Variants in NPR3 observed in about 807,000 individuals in gnomAD.
NPR3 encodes natriuretic peptide receptor 3, also known as atrial natriuretic peptide receptor 3.
Under a neutral mutation model 54.5 loss-of-function variants are expected in NPR3, and 34 were observed. That is an observed-to-expected ratio of 0.62 (90% confidence interval 0.47 to 0.83). The LOEUF (loss-of-function observed/expected upper bound fraction) is 0.83. Among genes scored for constraint, NPR3 ranks in the 40% least tolerant of loss-of-function variants. The pLI is 0.00. For missense variants in NPR3, 674 were observed against 720.8 expected, an observed-to-expected ratio of 0.94 and a Z score of 0.74; for synonymous variants, 289 against 297.1, an observed-to-expected ratio of 0.97 and a Z score of 0.28.
intron 3 of NPR3, among the ~76,000 whole-genome samples, chr5:32,747,757 AT>A (rs34349060): frequency 0.27 from 36,546 of 135,680 alleles, 4,157 homozygotes; most frequent in Middle Eastern, 0.34. Context: ...GGAGGCATGC[AT>A]TTTTTTTTTT....
intron 3 of NPR3, among the ~76,000 whole-genome samples, chr5:32,760,119 A>G (rs1016292578): frequency 6.7e-6 from 1 of 149,128 alleles, no homozygotes; most frequent in East Asian, 2.0e-4. Context: ...TCTTCTGTTG[A>G]TGGATGTTTT....
intron 3 of NPR3, among the ~76,000 whole-genome samples, chr5:32,752,975 A>C (rs1740650604): frequency 6.6e-6 from 1 of 152,246 alleles, no homozygotes; most frequent in African/African-American, 2.4e-5. Context: ...AGAACTTGGG[A>C]ATCTCCTGAT....
At chr5:32,739,941 C>T (rs373216277) in intron 3 of NPR3, among the ~76,000 whole-genome samples, 16 of 152,182 alleles carry the variant, frequency 1.1e-4, no homozygotes, top group South Asian at 6.2e-4. Context: ...AGTGCAGTGG[C>T]GCGATCACGG....
intron 4 of NPR3, among the ~76,000 whole-genome samples, chr5:32,779,357 T>A (rs1742221931): frequency 6.6e-6 from 1 of 152,184 alleles, no homozygotes; most frequent in Admixed American, 6.5e-5. Context: ...TCTTATTTAG[T>A]GAATGAAAAT....
intron 4 of NPR3, among the ~76,000 whole-genome samples, chr5:32,776,637 G>A (rs1405701181): frequency 6.6e-6 from 1 of 152,142 alleles, no homozygotes; most frequent in Non-Finnish European, 1.5e-5. Context: ...GAGCCTTGCA[G>A]ATATCAACTC....
chr5:32,744,190 A>C (rs538823101), intron 3 of NPR3, among the ~76,000 whole-genome samples: 1 of 152,008 alleles, frequency 6.6e-6, no homozygotes, highest in South Asian at 2.1e-4. Context: ...ATGGGGTTTC[A>C]CTATGTTGGC....
At chr5:32,776,937 A>C (rs960264371) in intron 4 of NPR3, among the ~76,000 whole-genome samples, 1 of 152,030 alleles carries the variant, frequency 6.6e-6, no homozygotes, top group African/African-American at 2.4e-5. Flanking sequence ...GACCCGAGGG[A>C]AGTGAGGGAA....
intron 3 of NPR3, among the ~76,000 whole-genome samples, chr5:32,749,049 C>T (rs116400790): frequency 0.035 from 5,350 of 152,208 alleles, 138 homozygotes; most frequent in Non-Finnish European, 0.054. Context: ...AAAGATAGCA[C>T]CTTGACTTGT....
chr5:32,751,933 G>A (rs1391825555), intron 3 of NPR3, among the ~76,000 whole-genome samples: 1 of 152,206 alleles, frequency 6.6e-6, no homozygotes, highest in Non-Finnish European at 1.5e-5. Context: ...TGGGTGTGGT[G>A]GCTCACTCCT....
Position 32,712,218 on chromosome 5 carries a change from T to A in NPR3, c.442T>A (p.Ser148Thr), listed in dbSNP as rs1433125500. Residue 148 changes from serine to threonine, a missense_variant, in exon 1 of 8, where the codon TCG (serine) becomes ACG (threonine). Ser to Thr is a moderately conservative substitution (Grantham distance 58). Coordinates refer to ENST00000265074, the MANE Select transcript of NPR3 (RefSeq NM_001204375.2). ...YAAAPVARLA[S>T]HWDLPMLSAG... Reference sequence around the variant, plus strand: ...AGCAGCGCCAGTGGCCCGGCTTGCATCGCACTGGGACCTGCCCATGCTGTC... The same window carrying A: ...AGCAGCGCCAGTGGCCCGGCTTGCAACGCACTGGGACCTGCCCATGCTGTC... 2 of 1,612,790 alleles carry A rather than the reference T, an allele frequency of 1.2e-6. No individual in the cohort carries two copies. The highest frequency in any genetic ancestry group is 1.7e-6 in the Non-Finnish European group (2 of 1,179,650).
At chr5:32,692,734 T>C (rs1048120624) in intron 1 of NPR3, among the ~76,000 whole-genome samples, 2 of 152,252 alleles carry the variant, frequency 1.3e-5, no homozygotes, top group African/African-American at 4.8e-5. Flanking sequence ...ATTTCCTCAT[T>C]ACCTTAAATT....
At chr5:32,732,464 CAG>C (rs148940257) in intron 2 of NPR3, among the ~76,000 whole-genome samples, 248 of 152,230 alleles carry the variant, frequency 1.6e-3, no homozygotes, top group African/African-American at 5.8e-3. Context: ...GCTCTAGTGA[CAG>C]GGGATATCAG....
At chr5:32,717,725 G>GT (rs1232810475) in intron 1 of NPR3, among the ~76,000 whole-genome samples, 8 of 152,224 alleles carry the variant, frequency 5.3e-5, no homozygotes, top group Non-Finnish European at 1.0e-4. Flanking sequence ...TTGCAAATTT[G>GT]TTTGAGTTCT....
intron 3 of NPR3, among the ~76,000 whole-genome samples, chr5:32,769,598 T>G (rs1473127680): frequency 1.3e-5 from 2 of 152,212 alleles, no homozygotes; most frequent in Non-Finnish European, 2.9e-5. Flanking sequence ...TTTCCCTCCT[T>G]TGCACTGGGA....
upstream of NPR3, chr5:32,709,402 T>A: frequency 7.9e-6 from 1 of 125,994 alleles, no homozygotes; most frequent in South Asian, 2.2e-4. Flanking sequence ...TTGTTGTTGT[T>A]CTTTTTCTTT....
At chr5:32,723,112 T>C (rs1023117070) in intron 1 of NPR3, among the ~76,000 whole-genome samples, 1 of 152,198 alleles carries the variant, frequency 6.6e-6, no homozygotes, top group African/African-American at 2.4e-5. Context: ...TTGTTTTATG[T>C]CTTTCAGCAC....
At chr5:32,715,342 A>G (rs560170976) in intron 1 of NPR3, among the ~76,000 whole-genome samples, 22 of 152,304 alleles carry the variant, frequency 1.4e-4, no homozygotes, top group Non-Finnish European at 2.6e-4. Context: ...GAACATTGGT[A>G]TTACTTTTTT....
chr5:32,691,438 G>T (rs1163794467), intron 1 of NPR3, among the ~76,000 whole-genome samples: 1 of 152,170 alleles, frequency 6.6e-6, no homozygotes. Flanking sequence ...TGACCTAATT[G>T]AGGACAATTA....
intron 1 of NPR3, among the ~76,000 whole-genome samples, chr5:32,702,611 A>G (rs1737852956): frequency 1.3e-5 from 2 of 152,000 alleles, no homozygotes; most frequent in South Asian, 2.1e-4. Flanking sequence ...TTATGGCTGC[A>G]TAGTATTCCA....
Sources: gnomAD v4.1 joint callset for allele counts (sites outside exome capture counted in the v4.1 genomes callset) on GRCh38, gnomAD v4.1.1 for gene constraint, MANE v1.5 for transcripts, NCBI Gene and HGNC (gene_info 2026-07-23, HGNC 2026-07-21) for gene names.